Variants in ENKUR observed in about 807,000 individuals in gnomAD.
The protein encoded by ENKUR is enkurin, TRPC channel interacting protein, also known as enkurin.
ENKUR carries 19 observed loss-of-function variants against 27.6 expected under a neutral mutation model. That is an observed-to-expected ratio of 0.69 (90% CI 0.48 to 1.01). ENKUR has a LOEUF of 1.01. ENKUR is among the 50% of genes least tolerant of loss of function. The pLI, the probability that ENKUR is intolerant of heterozygous loss-of-function variation, is 0.00. For missense variants in ENKUR, 312 were observed against 310.5 expected (o/e 1.00, Z -0.04); for synonymous variants, 117 against 96.9 (o/e 1.21, Z -1.22).
intron 2 of ENKUR, among the ~76,000 whole-genome samples, chr10:25,052,770 CT>C (rs75625309): frequency 0.32 from 48,108 of 151,410 alleles, 7,869 homozygotes; most frequent in East Asian, 0.46. Context: ...GAGACTCTCT[CT>C]TTTTTTTCTT....
chr10:25,037,746 A>G (rs923789938), intron 2 of ENKUR, among the ~76,000 whole-genome samples: 2 of 152,178 alleles, frequency 1.3e-5, no homozygotes, highest in African/African-American at 4.8e-5. Context: ...GTTTACTTTA[A>G]ACATTTTCAA....
At chr10:25,003,717 T>A (rs1233425929) in intron 1 of ENKUR, among the ~76,000 whole-genome samples, 2 of 152,226 alleles carry the variant, frequency 1.3e-5, no homozygotes, top group East Asian at 3.8e-4. Flanking sequence ...TGTGCAGATT[T>A]GTTATATAGG....
At chr10:25,019,728 C>G (rs1326604660), upstream of ENKUR, among the ~76,000 whole-genome samples, 1 of 152,192 alleles carries the variant, frequency 6.6e-6, no homozygotes, top group African/African-American at 2.4e-5. Flanking sequence ...CAATATCCCT[C>G]TCAATGCTTA....
chr10:25,013,800 G>C (rs2132725979), intron 1 of ENKUR, among the ~76,000 whole-genome samples: 1 of 152,232 alleles, frequency 6.6e-6, no homozygotes, highest in Non-Finnish European at 1.5e-5. Flanking sequence ...AAATTAGCCA[G>C]GCATGGTAGC....
intron 4 of ENKUR, among the ~76,000 whole-genome samples, chr10:24,989,888 C>A (rs1169921445): frequency 6.6e-6 from 1 of 152,030 alleles, no homozygotes; most frequent in African/African-American, 2.4e-5. Context: ...CTCTTACACC[C>A]CCTAATATTT....
intron 4 of ENKUR, among the ~76,000 whole-genome samples, chr10:24,988,483 C>T (rs138774898): frequency 7.0e-5 from 10 of 143,760 alleles, no homozygotes; most frequent in Admixed American, 2.8e-4. Flanking sequence ...ATATAAAATA[C>T]GTATAAATAG....
intron 1 of ENKUR, among the ~76,000 whole-genome samples, chr10:25,005,389 C>G (rs1342042270): frequency 6.6e-6 from 1 of 152,082 alleles, no homozygotes; most frequent in Non-Finnish European, 1.5e-5. Flanking sequence ...TTTTAAAAAC[C>G]ATTTATTTCA....
chr10:25,020,262 CTATATCTATATCTA>C (rs1054303239), upstream of ENKUR, among the ~76,000 whole-genome samples: 9 of 136,884 alleles, frequency 6.6e-5, no homozygotes, highest in African/African-American at 2.0e-4. Flanking sequence ...ATATCTATAT[CTATATCTATATCTA>C]TATATATCTA....
At chr10:25,057,014 C>T (rs1851266314) in intron 2 of ENKUR, among the ~76,000 whole-genome samples, 1 of 152,114 alleles carries the variant, frequency 6.6e-6, no homozygotes, top group Admixed American at 6.5e-5. Context: ...AGATCAAAGT[C>T]GCTGTCAAAG....
chr10:25,028,808 A>AT (rs1247454840), intron 2 of ENKUR, among the ~76,000 whole-genome samples: 1 of 152,152 alleles, frequency 6.6e-6, no homozygotes, highest in Non-Finnish European at 1.5e-5. Flanking sequence ...TTCTTCTTTG[A>AT]TTGATTAGAT....
At chr10:25,032,632 T>C (rs749355428) in intron 2 of ENKUR, among the ~76,000 whole-genome samples, 30 of 152,188 alleles carry the variant, frequency 2.0e-4, no homozygotes, top group Non-Finnish European at 3.4e-4. Context: ...TCTTGAACTA[T>C]TTTAGGGTCT....
intron 3 of ENKUR, among the ~76,000 whole-genome samples, chr10:24,994,499 A>G (rs1429027907): frequency 6.6e-6 from 1 of 151,458 alleles, no homozygotes; most frequent in African/African-American, 2.4e-5. Flanking sequence ...ACGCCTGGCT[A>G]ATTTTTGTAT....
intron 2 of ENKUR, among the ~76,000 whole-genome samples, chr10:25,053,286 C>A (rs1851209166): frequency 6.6e-6 from 1 of 152,144 alleles, no homozygotes. Context: ...AATACTTATC[C>A]CTTTTTGTGG....
At chr10:25,004,360 T>C (rs1252136603) in intron 1 of ENKUR, among the ~76,000 whole-genome samples, 1 of 152,180 alleles carries the variant, frequency 6.6e-6, no homozygotes, top group Non-Finnish European at 1.5e-5. Flanking sequence ...CACACTGTCT[T>C]CCACAATGGT....
At chr10:25,055,529 G>A (rs1851244709) in intron 2 of ENKUR, among the ~76,000 whole-genome samples, 1 of 128,914 alleles carries the variant, frequency 7.8e-6, no homozygotes, top group Non-Finnish European at 1.6e-5. Context: ...CATCATTCAG[G>A]GATGAAACAA....
intron 2 of ENKUR, among the ~76,000 whole-genome samples, chr10:25,046,619 C>A (rs1189142979): frequency 6.6e-6 from 1 of 152,170 alleles, no homozygotes; most frequent in East Asian, 1.9e-4. Context: ...GATAAAAATA[C>A]CTGCTTTGCT....
intron 2 of ENKUR, among the ~76,000 whole-genome samples, chr10:25,044,530 G>T (rs1007998426): frequency 7.2e-5 from 11 of 152,128 alleles, no homozygotes; most frequent in African/African-American, 2.7e-4. Context: ...CCAAGCAGCT[G>T]GTACTACAGG....
rs74122924 is a variant in ENKUR, at chr10:24,991,756, G to C, written c.448-1147C>G. Reference sequence around the variant, plus strand: ...ACCAAGGCAAGACTCCTGGGATACAGAAAGTCCTTTGGAAGCCCTCTGTCC... The same window carrying C: ...ACCAAGGCAAGACTCCTGGGATACACAAAGTCCTTTGGAAGCCCTCTGTCC... On this transcript the variant is annotated intron_variant, in intron 3 of 5. Coordinates refer to ENST00000331161, the MANE Select transcript of ENKUR (RefSeq NM_145010.4). Among the ~76,000 whole-genome samples the C allele has an allele frequency of 8.8e-3, 1,338 of 152,340 alleles. 18 individuals carry two copies. Among genetic ancestry groups the C allele is most frequent in the African/African-American group, 0.03 (1,249 of 41,586 alleles).
At chr10:25,025,420 C>G in intron 2 of ENKUR, 1 of 1,610,388 alleles carries the variant, frequency 6.2e-7, no homozygotes, top group African/African-American at 1.3e-5. Context: ...CTTGAAGAGT[C>G]ATGTGGAACA....
Sources: gnomAD v4.1 joint callset for allele counts (sites outside exome capture counted in the v4.1 genomes callset) on GRCh38, gnomAD v4.1.1 for gene constraint, MANE v1.5 for transcripts, NCBI Gene and HGNC (gene_info 2026-07-23, HGNC 2026-07-21) for gene names.